The following FAM53A variants were observed in gnomAD, a reference collection of about 807,000 sequenced individuals.
FAM53A encodes the protein family with sequence similarity 53 member A.
A neutral mutation model predicts 26.6 loss-of-function variants in FAM53A; 28 were observed. The ratio of observed to expected loss-of-function variants is 1.05; its 90% CI spans 0.78 to 1.45. The LOEUF (loss-of-function observed/expected upper bound fraction) is 1.45, where lower values mean the gene tolerates loss of function less well. Ranked by LOEUF, FAM53A falls within the 40% of genes most tolerant of loss-of-function variation. The pLI is 0.00. For synonymous variants in FAM53A, 290 were observed against 253.1 expected (o/e 1.15, Z -1.38); for missense variants, 650 against 575.8 (o/e 1.13, Z -1.32).
chr4:1,604,684 C>T, the FAM53A span, among the ~76,000 whole-genome samples: 1 of 152,180 alleles, frequency 6.6e-6, no homozygotes, highest in Non-Finnish European at 1.5e-5. Context: ...CGGACACGGC[C>T]ATCCTCTGGG....
At chr4:1,614,894 T>A (rs1714752265), downstream of FAM53A, among the ~76,000 whole-genome samples, 1 of 152,084 alleles carries the variant, frequency 6.6e-6, no homozygotes, top group Admixed American at 6.5e-5. Context: ...ATGGCCGTCC[T>A]ATGCTGACGG....
chr4:1,612,311 C>T, the FAM53A span, among the ~76,000 whole-genome samples: 1 of 152,198 alleles, frequency 6.6e-6, no homozygotes, highest in Non-Finnish European at 1.5e-5. Flanking sequence ...GTGCAGATTG[C>T]TGTATTTACA....
At chr4:1,658,350 G>A (rs143665550) in intron 2 of FAM53A, among the ~76,000 whole-genome samples, 331 of 152,334 alleles carry the variant, frequency 2.2e-3, no homozygotes, top group African/African-American at 7.6e-3. Context: ...CCACAGGCAT[G>A]CATCCTGTCC....
the FAM53A span, among the ~76,000 whole-genome samples, chr4:1,606,121 C>T: frequency 6.6e-6 from 1 of 150,886 alleles, no homozygotes; most frequent in Non-Finnish European, 1.5e-5. Flanking sequence ...TTACTGCAAG[C>T]TCCGCCTCCC....
At chr4:1,625,534 C>A (rs1158956139) in intron 1 of FAM53A, among the ~76,000 whole-genome samples, 2 of 64,924 alleles carry the variant, frequency 3.1e-5, no homozygotes, top group Non-Finnish European at 5.5e-5. Flanking sequence ...GGGGTCACAC[C>A]AGGTGATCAG....
chr4:1,654,653 G>T (rs1460484805), intron 4 of FAM53A, among the ~76,000 whole-genome samples: 2 of 152,230 alleles, frequency 1.3e-5, no homozygotes, highest in Non-Finnish European at 2.9e-5. Flanking sequence ...GCTGAGGCGG[G>T]GGGCGGCTCA....
chr4:1,654,487 C>A (rs1713142086), intron 4 of FAM53A, among the ~76,000 whole-genome samples: 1 of 152,258 alleles, frequency 6.6e-6, no homozygotes, highest in South Asian at 2.1e-4. Context: ...CCTGTACAGT[C>A]CCAAAGCGCA....
chr4:1,653,017 CACACACACT>C (rs924097580), intron 4 of FAM53A, among the ~76,000 whole-genome samples: 15 of 151,036 alleles, frequency 9.9e-5, no homozygotes, highest in African/African-American at 2.9e-4. Context: ...CATCACACAC[CACACACACT>C]ACACACACAC....
intron 1 of FAM53A, among the ~76,000 whole-genome samples, chr4:1,627,640 G>A (rs928580203): frequency 6.6e-6 from 1 of 152,230 alleles, no homozygotes; most frequent in Non-Finnish European, 1.5e-5. Context: ...GGCAGAGACA[G>A]TGTCCACACT....
intron 4 of FAM53A, chr4:1,644,544 C>T (rs942940561): frequency 1.7e-4 from 107 of 615,924 alleles, no homozygotes; most frequent in African/African-American, 1.3e-3. Flanking sequence ...GCCTGGACTG[C>T]GCCACCCATC....
chr4:1,585,198 AACTT>A, the FAM53A span, among the ~76,000 whole-genome samples: 3 of 151,904 alleles, frequency 2.0e-5, no homozygotes, highest in Non-Finnish European at 4.4e-5. Flanking sequence ...AGATCTCTTG[AACTT>A]ACTCTTCCAA....
At chr4:1,663,485 G>T (rs1714004019) in intron 2 of FAM53A, among the ~76,000 whole-genome samples, 1 of 152,148 alleles carries the variant, frequency 6.6e-6, no homozygotes. Flanking sequence ...ACAGAGGAAC[G>T]GATGAGCAAA....
the FAM53A span, among the ~76,000 whole-genome samples, chr4:1,598,482 TG>T: frequency 6.6e-6 from 1 of 152,160 alleles, no homozygotes; most frequent in Non-Finnish European, 1.5e-5. Context: ...AGAAAGGAAG[TG>T]GGTAAGACAG....
intron 1 of FAM53A, among the ~76,000 whole-genome samples, chr4:1,627,159 C>A (rs1316008719): frequency 6.6e-6 from 1 of 152,188 alleles, no homozygotes; most frequent in Non-Finnish European, 1.5e-5. Flanking sequence ...CCCTCACACA[C>A]AGCCTCCCTC....
At position 1,641,415 on chromosome 4, in the gene FAM53A, C is replaced by A; in HGVS notation, c.1075G>T (p.Val359Leu). Reference protein sequence around the residue: ...HPNLWASRESVTSDGSRRSSG... With the variant: ...HPNLWASRESLTSDGSRRSSG... ...CTCCTGCGGGAGCCATCACTGGTCACCGACTCCCTAGAGGCCCACAGGTTG... is the reference window on the plus strand; with the variant it reads ...CTCCTGCGGGAGCCATCACTGGTCAACGACTCCCTAGAGGCCCACAGGTTG... Residue 359 changes from valine to leucine, a missense_variant, in exon 5 of 5, where the codon GTG becomes TTG. Transcript: ENST00000308132. 6.2e-7 allele frequency: 1 copy of A among 1,611,924 alleles called. No individual in the cohort carries two copies. Among genetic ancestry groups the A allele is most frequent in the Non-Finnish European group, 8.5e-7 (1 of 1,179,220 alleles).
chr4:1,670,620 G>T (rs1714572273), intron 1 of FAM53A, among the ~76,000 whole-genome samples: 1 of 152,150 alleles, frequency 6.6e-6, no homozygotes, highest in Non-Finnish European at 1.5e-5. Context: ...CACCACCCTC[G>T]GCAGCCACCA....
chr4:1,591,967 C>T, the FAM53A span, among the ~76,000 whole-genome samples: 3 of 152,166 alleles, frequency 2.0e-5, no homozygotes, highest in East Asian at 1.9e-4. Flanking sequence ...TACAGTGAAA[C>T]GGGAGAGTGG....
intron 1 of FAM53A, among the ~76,000 whole-genome samples, chr4:1,629,824 C>T (rs1398032316): frequency 1.3e-5 from 2 of 152,190 alleles, no homozygotes; most frequent in East Asian, 3.9e-4. Flanking sequence ...TGGGCCCACC[C>T]CGGCCCACCC....
the FAM53A span, among the ~76,000 whole-genome samples, chr4:1,575,373 C>T: frequency 4.6e-5 from 7 of 152,194 alleles, no homozygotes; most frequent in African/African-American, 1.7e-4. Flanking sequence ...TTGGCATCAT[C>T]CAAGGTGCAG....
Sources: gnomAD v4.1 joint callset for allele counts (sites outside exome capture counted in the v4.1 genomes callset) on GRCh38, gnomAD v4.1.1 for gene constraint, MANE v1.5 for transcripts, NCBI Gene and HGNC (gene_info 2026-07-23, HGNC 2026-07-21) for gene names.